The following GNB1 variants were observed in gnomAD, a reference collection of about 807,000 sequenced individuals.
The protein encoded by GNB1 is guanine nucleotide-binding protein G(I)/G(S)/G(T) subunit beta-1.
Under a neutral mutation model 42.9 loss-of-function variants are expected in GNB1, and 2 were observed. The ratio of observed to expected loss-of-function variants is 0.05; its 90% CI spans 0.02 to 0.15. The LOEUF is 0.15. Ranked by LOEUF, GNB1 falls within the 10% of genes least tolerant of loss-of-function variation. The pLI is 1.00. For missense variants in GNB1, 193 were observed against 462.2 expected, an observed-to-expected ratio of 0.42 and a Z score of 5.34; for synonymous variants, 183 against 174.7, an observed-to-expected ratio of 1.05 and a Z score of -0.38.
At chr1:1,791,493 C>T (rs3737628) in intron 8 of GNB1, among the ~76,000 whole-genome samples, 60,009 of 152,110 alleles carry the variant, frequency 0.39, 14,307 homozygotes, top group Admixed American at 0.55. Context: ...TATTCTATCA[C>T]ATTTCTGCTT....
At chr1:1,812,813 G>A (rs1321605061) in intron 5 of GNB1, among the ~76,000 whole-genome samples, 2 of 147,726 alleles carry the variant, frequency 1.4e-5, no homozygotes, top group Non-Finnish European at 3.0e-5. Flanking sequence ...AGGATCTGGC[G>A]CCCACCCCAC....
chr1:1,836,237 C>G (rs911806859), intron 2 of GNB1, among the ~76,000 whole-genome samples: 1 of 152,110 alleles, frequency 6.6e-6, no homozygotes, highest in Non-Finnish European at 1.5e-5. Flanking sequence ...CACAGCCATT[C>G]TAATGGGGGC....
At chr1:1,803,164 C>T (rs960568076) in intron 7 of GNB1, among the ~76,000 whole-genome samples, 1 of 152,180 alleles carries the variant, frequency 6.6e-6, no homozygotes, top group Non-Finnish European at 1.5e-5. Context: ...ACAAATAATA[C>T]AGCCAGAGAG....
intron 1 of GNB1, among the ~76,000 whole-genome samples, chr1:1,847,785 A>C (rs949388584): frequency 6.6e-6 from 1 of 151,396 alleles, no homozygotes; most frequent in Non-Finnish European, 1.5e-5. Flanking sequence ...TGCTTTTAAA[A>C]GGGTAGGGGG....
chr1:1,884,577 G>A (rs1650041219), intron 1 of GNB1, among the ~76,000 whole-genome samples: 1 of 152,002 alleles, frequency 6.6e-6, no homozygotes, highest in Non-Finnish European at 1.5e-5. Context: ...ATCAACATAG[G>A]GAATATATTT....
intron 1 of GNB1, among the ~76,000 whole-genome samples, chr1:1,884,061 G>C (rs1650010442): frequency 6.6e-6 from 1 of 150,900 alleles, no homozygotes; most frequent in African/African-American, 2.4e-5. Flanking sequence ...CGCCTCCCAG[G>C]TTCAAGCGAT....
At position 1,825,459 on chromosome 1, in the gene GNB1, G is replaced by T. The variant is rs375176616; in HGVS notation, c.-6C>A. On this transcript the variant is annotated 5_prime_UTR_variant, in exon 3 of 12. Transcript: ENST00000378609. ...AACTGGTCAAGCTCACTCATCTTCC[G>T]ATCTTAGTGCTCTTCAATGCCACCT... 6.2e-7 allele frequency: 1 copy of T among 1,606,370 alleles called. No individual in the cohort carries two copies. The highest frequency in any genetic ancestry group is 1.7e-4 in the Middle Eastern group (1 of 6,050).
At chr1:1,881,563 C>T (rs546983623) in intron 1 of GNB1, among the ~76,000 whole-genome samples, 2 of 152,138 alleles carry the variant, frequency 1.3e-5, no homozygotes, top group South Asian at 2.1e-4. Context: ...GCCACCAAGC[C>T]TAATTTTTAT....
intron 7 of GNB1, among the ~76,000 whole-genome samples, chr1:1,800,526 C>A (rs1431438223): frequency 6.6e-6 from 1 of 152,070 alleles, no homozygotes; most frequent in African/African-American, 2.4e-5. Flanking sequence ...AAGTGATGAA[C>A]AAACCCCAGC....
At chr1:1,840,162 A>T (rs532404168) in intron 1 of GNB1, among the ~76,000 whole-genome samples, 2 of 150,606 alleles carry the variant, frequency 1.3e-5, no homozygotes, top group East Asian at 3.9e-4. Context: ...CAGAAGGTGG[A>T]GGTTGTAGTG....
At chr1:1,814,493 T>C (rs920821276) in intron 5 of GNB1, among the ~76,000 whole-genome samples, 1 of 152,046 alleles carries the variant, frequency 6.6e-6, no homozygotes, top group Non-Finnish European at 1.5e-5. Context: ...GAAAGGGGTA[T>C]AATTTAAAGT....
chr1:1,802,997 A>C (rs1029219941), intron 7 of GNB1, among the ~76,000 whole-genome samples: 2 of 152,212 alleles, frequency 1.3e-5, no homozygotes, highest in Non-Finnish European at 2.9e-5. Context: ...TTCAAAGGAC[A>C]AGGTTAAACT....
chr1:1,841,714 G>C (rs144393678), intron 1 of GNB1, among the ~76,000 whole-genome samples: 2 of 152,220 alleles, frequency 1.3e-5, no homozygotes, highest in Non-Finnish European at 2.9e-5. Flanking sequence ...GTTTCGTTTT[G>C]CAATTATGCT....
chr1:1,848,056 G>C (rs912541050), intron 1 of GNB1, among the ~76,000 whole-genome samples: 5 of 152,022 alleles, frequency 3.3e-5, no homozygotes, highest in African/African-American at 1.2e-4. Context: ...ACAACAGAAG[G>C]TTGCTATCAT....
chr1:1,830,613 A>C (rs2101050732), intron 2 of GNB1, among the ~76,000 whole-genome samples: 1 of 152,142 alleles, frequency 6.6e-6, no homozygotes, highest in African/African-American at 2.4e-5. Flanking sequence ...GGGTGGAGTG[A>C]GTGGCATGAT....
At chr1:1,839,867 A>C (rs1196021909) in intron 1 of GNB1, among the ~76,000 whole-genome samples, 2 of 151,926 alleles carry the variant, frequency 1.3e-5, no homozygotes, top group Non-Finnish European at 2.9e-5. Flanking sequence ...ACAAAAACAC[A>C]CAACAGTCTG....
intron 3 of GNB1, among the ~76,000 whole-genome samples, chr1:1,822,758 A>G (rs564375159): frequency 6.6e-6 from 1 of 152,264 alleles, no homozygotes; most frequent in African/African-American, 2.4e-5. Context: ...AGGAGGTGCA[A>G]CAGTTCCTTT....
At chr1:1,834,928 A>G (rs1647125575) in intron 2 of GNB1, among the ~76,000 whole-genome samples, 2 of 152,278 alleles carry the variant, frequency 1.3e-5, no homozygotes, top group African/African-American at 2.4e-5. Flanking sequence ...TCAGCCTCCC[A>G]AAGTGCTGGG....
chr1:1,861,463 T>TAAC, intron 1 of GNB1, among the ~76,000 whole-genome samples: 1 of 151,546 alleles, frequency 6.6e-6, no homozygotes, highest in Non-Finnish European at 1.5e-5. Context: ...TCAAAAATAA[T>TAAC]AATAATAATA....
Sources: allele counts gnomAD v4.1 joint callset (sites outside exome capture counted in the v4.1 genomes callset), GRCh38; gene constraint gnomAD v4.1.1; transcripts MANE v1.5; gene names NCBI Gene and HGNC (gene_info 2026-07-23, HGNC 2026-07-21).